Variants in SLMAP observed in about 807,000 individuals in gnomAD.
SLMAP encodes the protein sarcolemmal membrane-associated protein.
In SLMAP, 44 loss-of-function variants were observed where a neutral mutation model predicts 128.8. The observed-to-expected ratio is 0.34, with a 90% CI of 0.27 to 0.44. The LOEUF is 0.44. SLMAP is among the 20% of genes least tolerant of loss of function. The pLI is 1.00. For missense variants in SLMAP, 787 were observed against 985.3 expected, an observed-to-expected ratio of 0.80 and a Z score of 2.69; for synonymous variants, 327 against 348.8, an observed-to-expected ratio of 0.94 and a Z score of 0.70.
At chr3:57,816,263 C>A (rs2091847657) in intron 2 of SLMAP, among the ~76,000 whole-genome samples, 1 of 152,058 alleles carries the variant, frequency 6.6e-6, no homozygotes, top group Non-Finnish European at 1.5e-5. Context: ...CCTGCCTCAG[C>A]CCCCCAAGCA....
chr3:57,762,796 A>T (rs186108404), intron 2 of SLMAP, among the ~76,000 whole-genome samples: 1 of 146,744 alleles, frequency 6.8e-6, no homozygotes, highest in African/African-American at 2.6e-5. Flanking sequence ...GCTCACTGCA[A>T]CCTCTCCCTC....
In SLMAP at chr3:57,855,725, AC is replaced by A. The variant is rs368041114; in HGVS notation, c.520-2007del. 2.5e-4 allele frequency among the ~76,000 whole-genome samples: 37 copies of A among 147,850 alleles called. 3 individuals are homozygous for A. The highest frequency in any genetic ancestry group is 6.3e-4 in the African/African-American group (25 of 39,646). ...GCCCCATCTGTTAAAAAAAAAAAAA[AC>A]AAAAAAAAAAACTTTAAATAAAAAT... On this transcript the variant is annotated intron_variant, in intron 6 of 24. Coordinates refer to ENST00000671191, the MANE Select transcript of SLMAP (RefSeq NM_001377540.1).
At chr3:57,830,697 A>G (rs1311938175) in intron 2 of SLMAP, among the ~76,000 whole-genome samples, 1 of 152,220 alleles carries the variant, frequency 6.6e-6, no homozygotes, top group African/African-American at 2.4e-5. Flanking sequence ...TATTTTCATC[A>G]TCTCAAAAAG....
chr3:57,885,252 A>G (rs891271562), intron 14 of SLMAP, among the ~76,000 whole-genome samples: 2 of 150,870 alleles, frequency 1.3e-5, no homozygotes, highest in Non-Finnish European at 3.0e-5. Context: ...TTGTATTTTT[A>G]GTAGAGACAA....
intron 6 of SLMAP, among the ~76,000 whole-genome samples, chr3:57,855,834 A>G (rs2094756368): frequency 6.6e-6 from 1 of 151,972 alleles, no homozygotes; most frequent in Non-Finnish European, 1.5e-5. Flanking sequence ...ACTTGAGGTC[A>G]GGAGTTCGAG....
At chr3:57,828,238 C>T (rs573411393) in intron 2 of SLMAP, among the ~76,000 whole-genome samples, 3 of 152,288 alleles carry the variant, frequency 2.0e-5, no homozygotes, top group East Asian at 3.9e-4. Context: ...GGATTACAAA[C>T]GTAGGCCATC....
chr3:57,856,787 A>G (rs1178924289), intron 6 of SLMAP, among the ~76,000 whole-genome samples: 1 of 152,208 alleles, frequency 6.6e-6, no homozygotes, highest in Non-Finnish European at 1.5e-5. Flanking sequence ...ATATAATTAT[A>G]TGTGCTATAC....
At chr3:57,914,506 A>G (rs543670395) in intron 21 of SLMAP, among the ~76,000 whole-genome samples, 1 of 152,196 alleles carries the variant, frequency 6.6e-6, no homozygotes, top group African/African-American at 2.4e-5. Context: ...GGTCAAAACT[A>G]TAAATATATG....
intron 6 of SLMAP, among the ~76,000 whole-genome samples, chr3:57,852,721 C>T (rs1475600430): frequency 6.6e-6 from 1 of 152,166 alleles, no homozygotes; most frequent in African/African-American, 2.4e-5. Flanking sequence ...ATGTGGGGCT[C>T]ATATAGGTTA....
intron 6 of SLMAP, among the ~76,000 whole-genome samples, chr3:57,856,497 C>T (rs1268113441): frequency 6.6e-6 from 1 of 152,024 alleles, no homozygotes; most frequent in Admixed American, 6.6e-5. Flanking sequence ...TAGCCTAGGC[C>T]TACACAGTAT....
chr3:57,914,917 A>AT (rs1438613636), intron 21 of SLMAP, among the ~76,000 whole-genome samples: 1 of 140,980 alleles, frequency 7.1e-6, no homozygotes, highest in African/African-American at 2.7e-5. Context: ...GCAGAGTCAC[A>AT]TTCAGTTGCC....
intron 2 of SLMAP, among the ~76,000 whole-genome samples, chr3:57,775,153 C>T (rs538387320): frequency 7.6e-4 from 92 of 121,104 alleles, no homozygotes; most frequent in African/African-American, 2.6e-3. Flanking sequence ...CTCCTGGGTT[C>T]ACGCCATTTT....
chr3:57,892,709 C>A (rs2096114219), intron 15 of SLMAP, among the ~76,000 whole-genome samples: 1 of 151,840 alleles, frequency 6.6e-6, no homozygotes, highest in African/African-American at 2.4e-5. Context: ...TTTTGGGAGG[C>A]CAAGATAAGA....
intron 17 of SLMAP, chr3:57,900,028 G>A (rs2096337832): frequency 6.6e-6 from 1 of 152,026 alleles, no homozygotes; most frequent in South Asian, 2.1e-4. Flanking sequence ...TGTATAATTA[G>A]GTTCAATAGA....
chr3:57,835,281 C>T (rs377290563), intron 3 of SLMAP, among the ~76,000 whole-genome samples: 3 of 151,428 alleles, frequency 2.0e-5, no homozygotes, highest in South Asian at 4.2e-4. Context: ...TCTACCCGCT[C>T]CCCTGGCCCC....
chr3:57,874,747 T>C (rs2095563770), intron 14 of SLMAP, among the ~76,000 whole-genome samples: 1 of 151,886 alleles, frequency 6.6e-6, no homozygotes, highest in African/African-American at 2.4e-5. Context: ...TAGTCTCAGC[T>C]ACTTGGGAGG....
In SLMAP at chr3:57,924,796, G is replaced by C. The variant is rs141022395; in HGVS notation, c.2446-1049G>C. 5.1e-4 allele frequency among the ~76,000 whole-genome samples: 77 copies of C among 151,598 alleles called. 1 individual carries two copies. In the Middle Eastern group the frequency reaches 0.041, roughly 80 times the overall value. On this transcript the variant is annotated intron_variant, in intron 23 of 24. Transcript: ENST00000671191. Reference sequence around the variant, plus strand: ...ATCATCTAATAAGCAAAAGAGCTTTGGTTGAAAAAAAAAATTTGTTAGAGG... The same window carrying C: ...ATCATCTAATAAGCAAAAGAGCTTTCGTTGAAAAAAAAAATTTGTTAGAGG...
chr3:57,812,660 T>A (rs185295984), intron 2 of SLMAP, among the ~76,000 whole-genome samples: 1 of 152,308 alleles, frequency 6.6e-6, no homozygotes, highest in African/African-American at 2.4e-5. Context: ...TTGGGTATTA[T>A]TGGCATCTTA....
At chr3:57,879,540 T>C (rs1188702826) in intron 14 of SLMAP, among the ~76,000 whole-genome samples, 1 of 152,186 alleles carries the variant, frequency 6.6e-6, no homozygotes, top group African/African-American at 2.4e-5. Context: ...CCTGACACAC[T>C]ATATGGTTTT....
Sources: gnomAD v4.1 joint callset for allele counts (sites outside exome capture counted in the v4.1 genomes callset) on GRCh38, gnomAD v4.1.1 for gene constraint, MANE v1.5 for transcripts, NCBI Gene and HGNC (gene_info 2026-07-23, HGNC 2026-07-21) for gene names.